Variants in HTR3B observed in about 807,000 individuals in gnomAD.
HTR3B encodes the protein 5-hydroxytryptamine receptor 3B, also known as 5-hydroxytryptamine (serotonin) receptor 3B, ionotropic.
In HTR3B, 44 loss-of-function variants were observed where a neutral mutation model predicts 42.8. That is an observed-to-expected ratio of 1.03 (90% CI 0.81 to 1.32). HTR3B has a LOEUF of 1.32. HTR3B is among the 40% of genes most tolerant of loss of function. The pLI, the probability that HTR3B is intolerant of heterozygous loss-of-function variation, is 0.00. For missense variants in HTR3B, 527 were observed against 536.5 expected (o/e 0.98, Z 0.17); for synonymous variants, 203 against 209.0 (o/e 0.97, Z 0.25).
intron 8 of HTR3B, among the ~76,000 whole-genome samples, chr11:113,945,662 G>A (rs56251941): frequency 0.014 from 2,165 of 152,304 alleles, 18 homozygotes; most frequent in Non-Finnish European, 0.019. Flanking sequence ...TCTCCTGGAC[G>A]GATCTAGCAC....
At chr11:113,899,299 A>G in the HTR3B span, among the ~76,000 whole-genome samples, 1 of 152,186 alleles carries the variant, frequency 6.6e-6, no homozygotes, top group East Asian at 1.9e-4. Flanking sequence ...TTTGGACTTG[A>G]GGTGCCTCCT....
At chr11:113,899,724 A>G in the HTR3B span, among the ~76,000 whole-genome samples, 2 of 152,248 alleles carry the variant, frequency 1.3e-5, no homozygotes, top group Admixed American at 1.3e-4. Flanking sequence ...TTATGTTTGC[A>G]TAATAAACCC....
At chr11:113,902,556 T>G (rs1263004589), upstream of HTR3B, among the ~76,000 whole-genome samples, 2 of 152,160 alleles carry the variant, frequency 1.3e-5, no homozygotes, top group African/African-American at 4.8e-5. Context: ...CTAGGTCTCC[T>G]AAAGTGCTGG....
intron 2 of HTR3B, among the ~76,000 whole-genome samples, chr11:113,921,889 A>G (rs1949918952): frequency 6.6e-6 from 1 of 152,338 alleles, no homozygotes; most frequent in East Asian, 1.9e-4. Context: ...TATGTTAGAC[A>G]TGTCATCATA....
chr11:113,941,173 G>A (rs946905145), intron 6 of HTR3B, among the ~76,000 whole-genome samples: 6 of 152,322 alleles, frequency 3.9e-5, no homozygotes, highest in African/African-American at 7.2e-5. Context: ...TCAGAGAAAC[G>A]GGAGATTTCA....
At chr11:113,934,805 C>A (rs565960753) in intron 6 of HTR3B, among the ~76,000 whole-genome samples, 42 of 149,016 alleles carry the variant, frequency 2.8e-4, no homozygotes, top group South Asian at 6.3e-4. Flanking sequence ...TAGGAGTAAA[C>A]ACCTCATTAA....
At chr11:113,941,570 CGCACTCCTCCACCCCCT>C (rs1222420692) in intron 6 of HTR3B, among the ~76,000 whole-genome samples, 5 of 152,142 alleles carry the variant, frequency 3.3e-5, no homozygotes, top group African/African-American at 1.2e-4. Flanking sequence ...TCCACTGAGA[CGCACTCCTCCACCCCCT>C]GCATCTGTGC....
chr11:113,904,011 C>T (rs1949716159), upstream of HTR3B, among the ~76,000 whole-genome samples: 1 of 152,056 alleles, frequency 6.6e-6, no homozygotes, highest in Non-Finnish European at 1.5e-5. Context: ...AAATTTATAT[C>T]AAAATTTGCC....
At position 113,909,431 on chromosome 11, in the gene HTR3B, G is replaced by A. The variant is rs1055355785; in HGVS notation, c.189G>A (p.Leu63=). 6.2e-7 allele frequency: 1 copy of A among 1,613,910 alleles called. No individual in the cohort carries two copies. The highest frequency in any genetic ancestry group is 1.3e-5 in the African/African-American group (1 of 74,922). The change falls in exon 2 of 9, where the codon CTG becomes CTA. Residue 63 remains leucine (L), a synonymous_variant. Coordinates refer to ENST00000260191, the MANE Select transcript of HTR3B (RefSeq NM_006028.5). ...AGGCCACCACAGTCTACCTGGACCT[G>A]TTCGTCCATGCTATATTGGATGTGG... ...WTKATTVYLD[L]FVHAILDVDA... is the part of the protein sequence containing the mutation.
At chr11:113,939,645 C>CGTGTCAGCCTCTGGGTGGAGAG (rs1387417889) in intron 6 of HTR3B, among the ~76,000 whole-genome samples, 3 of 152,142 alleles carry the variant, frequency 2.0e-5, no homozygotes, top group African/African-American at 7.2e-5. Context: ...GATTTGCTGT[C>CGTGTCAGCCTCTGGGTGGAGAG]GTGTCAGCCT....
rs1189231188 is a variant in HTR3B, at chr11:113,933,060, C to A, written c.663C>A (p.Ser221Arg). ...SVSSTYSILQ[S>R]SAGGFAQIQF... The stretch of plus-strand genomic sequence containing the variant: ...CCTCCACATACAGCATCCTGCAGAG[C>A]AGCGCTGGAGGATTTGCACAGATTC... The change falls in exon 6 of 9, where the codon AGC becomes AGA. Residue 221 changes from serine (S) to arginine (R), a missense_variant. Ser to Arg is a moderately radical substitution (Grantham distance 110, BLOSUM62 -1). Coordinates refer to ENST00000260191, the MANE Select transcript of HTR3B (RefSeq NM_006028.5). 6.2e-7 allele frequency: 1 copy of A among 1,614,152 alleles called. No individual in the cohort carries two copies. Among genetic ancestry groups the A allele is most frequent in the Middle Eastern group, 1.6e-4 (1 of 6,062 alleles).
chr11:113,943,893 GA>G (rs1055128401), intron 7 of HTR3B, among the ~76,000 whole-genome samples: 1 of 148,714 alleles, frequency 6.7e-6, no homozygotes, highest in South Asian at 2.1e-4. Context: ...GGAAGGAAGG[GA>G]AAAAAACAGA....
chr11:113,908,164 G>GT (rs1319832242), intron 1 of HTR3B, among the ~76,000 whole-genome samples: 2 of 152,196 alleles, frequency 1.3e-5, no homozygotes, highest in African/African-American at 4.8e-5. Context: ...GTCTGGCATT[G>GT]TACCTCCAGC....
intron 2 of HTR3B, among the ~76,000 whole-genome samples, chr11:113,928,663 C>T (rs915248645): frequency 6.6e-6 from 1 of 152,028 alleles, no homozygotes; most frequent in Admixed American, 6.5e-5. Flanking sequence ...CAGCCTCCCT[C>T]GTAGCTGGGA....
In HTR3B at chr11:113,904,965, C is replaced by T. The variant is rs1949724612; in HGVS notation, c.32C>T (p.Ala11Val). MLSSVMAPLW[A>V]CILVAAGILA... The stretch of plus-strand genomic sequence containing the variant: ...TCAAGTGTAATGGCTCCCCTGTGGG[C>T]CTGCATCCTGGTGGCTGCAGGTGAG... The change falls in exon 1 of 9, where the codon GCC (alanine) becomes GTC (valine). Residue 11 changes from alanine (A) to valine (V), a missense_variant. Ala to Val is a moderately conservative substitution (Grantham distance 64). Coordinates refer to ENST00000260191, the MANE Select transcript of HTR3B (RefSeq NM_006028.5). 6.2e-7 allele frequency: 1 copy of T among 1,612,802 alleles called. No individual in the cohort carries two copies. Among genetic ancestry groups the T allele is most frequent in the South Asian group, 1.1e-5 (1 of 91,072 alleles).
chr11:113,920,516 C>T (rs1949902627), intron 2 of HTR3B, among the ~76,000 whole-genome samples: 2 of 152,006 alleles, frequency 1.3e-5, no homozygotes, highest in South Asian at 2.1e-4. Flanking sequence ...GCTAGGATTA[C>T]AGGCACCTAC....
At chr11:113,907,512 A>T (rs1475748978) in intron 1 of HTR3B, among the ~76,000 whole-genome samples, 1 of 152,094 alleles carries the variant, frequency 6.6e-6, no homozygotes. Context: ...ATTTAAGCAT[A>T]TTTCCATTTG....
chr11:113,900,768 T>G (rs1949692302), upstream of HTR3B, among the ~76,000 whole-genome samples: 1 of 152,136 alleles, frequency 6.6e-6, no homozygotes, highest in Admixed American at 6.5e-5. Flanking sequence ...GAAAGTGGTT[T>G]AATTGACCCA....
At chr11:113,936,302 G>A (rs79652569) in intron 6 of HTR3B, among the ~76,000 whole-genome samples, 3,418 of 152,182 alleles carry the variant, frequency 0.022, 45 homozygotes, top group Non-Finnish European at 0.034. Flanking sequence ...AAACTAAACC[G>A]AGCCCAACCA....
Sources: allele counts gnomAD v4.1 joint callset (sites outside exome capture counted in the v4.1 genomes callset), GRCh38; gene constraint gnomAD v4.1.1; transcripts MANE v1.5; gene names NCBI Gene and HGNC (gene_info 2026-07-23, HGNC 2026-07-21).